The following PTPRQ variants were observed in gnomAD, a reference collection of about 807,000 sequenced individuals.
PTPRQ encodes the protein phosphatidylinositol phosphatase PTPRQ.
A neutral mutation model predicts 246.0 loss-of-function variants in PTPRQ; 199 were observed. The observed-to-expected ratio is 0.81, with a 90% CI of 0.72 to 0.91. The LOEUF is 0.91. PTPRQ is among the 40% of genes least tolerant of loss of function. The probability of loss-of-function intolerance (pLI) is 0.00; values close to 1 mark genes in which losing one functional copy is unlikely to be tolerated. For synonymous variants in PTPRQ, 869 were observed against 853.2 expected, an observed-to-expected ratio of 1.02 and a Z score of -0.32; for missense variants, 2,624 against 2,528.4, an observed-to-expected ratio of 1.04 and a Z score of -0.81.
At chr12:80,549,365 T>G (rs1178082294) in intron 24 of PTPRQ, 100 bp from the exon 25 acceptor site, 1 of 1,340,464 alleles carries the variant, frequency 7.5e-7, no homozygotes. Flanking sequence ...AATATTTTTC[T>G]AGTTCTAAAC....
At chr12:80,448,773 ATTG>A (rs1892640666) in intron 3 of PTPRQ, among the ~76,000 whole-genome samples, 1 of 148,476 alleles carries the variant, frequency 6.7e-6, no homozygotes, top group Admixed American at 6.7e-5. Flanking sequence ...CCAGTCTATC[ATTG>A]TTGGACATTT....
At chr12:80,447,664 C>A (rs559467757) in intron 3 of PTPRQ, among the ~76,000 whole-genome samples, 50 of 150,806 alleles carry the variant, frequency 3.3e-4, no homozygotes, top group African/African-American at 1.2e-3. Context: ...AATATCCTTT[C>A]CCCATTGTTT....
chr12:80,579,025 C>T (rs1233849986), intron 25 of PTPRQ, among the ~76,000 whole-genome samples: 1 of 152,050 alleles, frequency 6.6e-6, no homozygotes, highest in Non-Finnish European at 1.5e-5. Context: ...TCTCTGTGCT[C>T]AATATACCAT....
At chr12:80,576,162 C>T (rs1007377344) in intron 25 of PTPRQ, among the ~76,000 whole-genome samples, 10 of 151,800 alleles carry the variant, frequency 6.6e-5, no homozygotes, top group South Asian at 2.1e-4. Flanking sequence ...CTTTTTGAGA[C>T]GGAGTCTTGC....
At chr12:80,487,183 G>C (rs1894304580) in intron 9 of PTPRQ, among the ~76,000 whole-genome samples, 1 of 152,062 alleles carries the variant, frequency 6.6e-6, no homozygotes, top group African/African-American at 2.4e-5. Context: ...TTTGTGGGAA[G>C]AGTCCACCAG....
intron 38 of PTPRQ, among the ~76,000 whole-genome samples, chr12:80,653,138 A>G (rs928107682): frequency 2.7e-4 from 41 of 152,136 alleles, no homozygotes; most frequent in African/African-American, 9.7e-4. Context: ...CTTCCTACAG[A>G]CCTAGCATCA....
intron 35 of PTPRQ, among the ~76,000 whole-genome samples, chr12:80,639,221 T>A (rs1397570026): frequency 1.3e-5 from 2 of 152,230 alleles, no homozygotes; most frequent in Non-Finnish European, 1.5e-5. Flanking sequence ...AGAATTTTCG[T>A]AAGCTAAAAA....
chr12:80,659,800 A>C (rs1900567932), intron 39 of PTPRQ, among the ~76,000 whole-genome samples: 2 of 152,054 alleles, frequency 1.3e-5, no homozygotes, highest in Admixed American at 1.3e-4. Context: ...ACTATGACCC[A>C]ATGTAATGAT....
chr12:80,577,812 T>A (rs1312122460), intron 25 of PTPRQ, among the ~76,000 whole-genome samples: 1 of 152,138 alleles, frequency 6.6e-6, no homozygotes, highest in Non-Finnish European at 1.5e-5. Flanking sequence ...AAGACTAATT[T>A]GGCACATTAG....
chr12:80,522,085 G>T (rs1408646481), intron 17 of PTPRQ, among the ~76,000 whole-genome samples: 12 of 152,110 alleles, frequency 7.9e-5, no homozygotes, highest in African/African-American at 2.4e-4. Context: ...CACATCCCTT[G>T]TAAGTTGGAT....
intron 38 of PTPRQ, among the ~76,000 whole-genome samples, chr12:80,656,139 A>G (rs1900425841): frequency 6.6e-6 from 1 of 152,198 alleles, no homozygotes; most frequent in Admixed American, 6.6e-5. Context: ...ATAAAATTCT[A>G]TATTTGGGAC....
rs944945236 is a variant in PTPRQ, at chr12:80,495,890, G to C, written c.1883-109G>C. On this transcript the variant is annotated intron_variant, in intron 12 of 44. Coordinates refer to ENST00000644991, the MANE Select transcript of PTPRQ (RefSeq NM_001145026.2). ...ACTGCAATTATTTGGAAGCGATATA[G>C]ATATCTAGTCCCCCGTATAAATTCT... The C allele has an allele frequency of 3.1e-6, 4 of 1,284,272 alleles. No individual in the cohort carries two copies. In the African/African-American group the frequency reaches 6.1e-5, roughly 20 times the overall value. The allele number at this position is 1,284,272 out of a possible 1,614,324, so 79.6% of individuals were successfully genotyped here. A position where few individuals can be genotyped will look rare whatever the true frequency, so the allele number is the denominator to read the frequency against.
chr12:80,467,655 C>T (rs2120523292), intron 6 of PTPRQ, among the ~76,000 whole-genome samples: 1 of 152,050 alleles, frequency 6.6e-6, no homozygotes, highest in East Asian at 1.9e-4. Flanking sequence ...GGCACATATA[C>T]ACCATGGAAT....
intron 30 of PTPRQ, 64 bp from the exon 31 acceptor site, chr12:80,619,320 G>T (rs1370477676): frequency 1.5e-5 from 23 of 1,493,552 alleles, no homozygotes; most frequent in Non-Finnish European, 2.1e-5. Flanking sequence ...AAAGGAGAAA[G>T]ATTTTTTCTT....
intron 17 of PTPRQ, among the ~76,000 whole-genome samples, chr12:80,531,581 C>T (rs914755538): frequency 6.6e-6 from 1 of 152,118 alleles, no homozygotes; most frequent in Non-Finnish European, 1.5e-5. Flanking sequence ...ATCTGCAATT[C>T]GGTAACAGCT....
intron 25 of PTPRQ, among the ~76,000 whole-genome samples, chr12:80,553,604 T>C (rs1024574130): frequency 1.3e-5 from 2 of 152,148 alleles, no homozygotes; most frequent in Non-Finnish European, 1.5e-5. Flanking sequence ...TGGGTATTTT[T>C]TTAATGTAAA....
intron 33 of PTPRQ, among the ~76,000 whole-genome samples, chr12:80,631,839 T>C (rs2121167831): frequency 6.6e-6 from 1 of 152,258 alleles, no homozygotes; most frequent in East Asian, 1.9e-4. Context: ...ACATATCAAT[T>C]TAACATTTTA....
chr12:80,614,114 A>C (rs1489602877), intron 29 of PTPRQ, among the ~76,000 whole-genome samples: 1 of 150,810 alleles, frequency 6.6e-6, no homozygotes, highest in Non-Finnish European at 1.5e-5. Context: ...ATTAAAAGTA[A>C]AAGAACAGTG....
At chr12:80,591,108 C>T (rs1222234151) in intron 26 of PTPRQ, among the ~76,000 whole-genome samples, 1 of 147,224 alleles carries the variant, frequency 6.8e-6, no homozygotes, top group East Asian at 2.0e-4. Context: ...TTAGGATCTG[C>T]CTTGATCATT....
Sources: allele counts gnomAD v4.1 joint callset (sites outside exome capture counted in the v4.1 genomes callset), GRCh38; gene constraint gnomAD v4.1.1; transcripts MANE v1.5; gene names NCBI Gene and HGNC (gene_info 2026-07-23, HGNC 2026-07-21).